The following ATP9B variants were observed in gnomAD, a reference collection of about 807,000 sequenced individuals.
ATP9B encodes the protein ATPase phospholipid transporting 9B, also known as probable phospholipid-transporting ATPase IIB.
Under a neutral mutation model 146.1 loss-of-function variants are expected in ATP9B, and 110 were observed. That is an observed-to-expected ratio of 0.75 (90% CI 0.65 to 0.88). The LOEUF is 0.88. Ranked by LOEUF, ATP9B falls within the 40% of genes least tolerant of loss-of-function variation. The probability of loss-of-function intolerance (pLI) is 0.00; values close to 1 mark genes in which losing one functional copy is unlikely to be tolerated. For synonymous variants in ATP9B, 604 were observed against 569.7 expected, an observed-to-expected ratio of 1.06 and a Z score of -0.86; for missense variants, 1,499 against 1,496.4, an observed-to-expected ratio of 1.00 and a Z score of -0.03.
At chr18:79,332,081 G>A (rs117678629) in intron 17 of ATP9B, among the ~76,000 whole-genome samples, 130 of 152,354 alleles carry the variant, frequency 8.5e-4, no homozygotes, top group Non-Finnish European at 1.6e-3. Context: ...TATGTTACAT[G>A]AATTATATTC....
At chr18:79,164,566 A>T (rs890679603) in intron 7 of ATP9B, among the ~76,000 whole-genome samples, 13 of 152,072 alleles carry the variant, frequency 8.5e-5, no homozygotes, top group Non-Finnish European at 1.5e-4. Flanking sequence ...ATACAAAAAA[A>T]AAATTAGCCA....
intron 5 of ATP9B, among the ~76,000 whole-genome samples, chr18:79,127,646 G>A (rs949521254): frequency 7.9e-5 from 12 of 152,170 alleles, no homozygotes; most frequent in East Asian, 5.8e-4. Context: ...CTTTGTGACC[G>A]TTGTGAATAA....
rs1282963356 is a variant in ATP9B, at chr18:79,239,778, G to A, written c.1108-13603G>A. 6.6e-6 allele frequency among the ~76,000 whole-genome samples: 1 copy of A among 152,094 alleles called. No homozygotes were observed. The highest frequency in any genetic ancestry group is 1.5e-5 in the Non-Finnish European group (1 of 68,018). ...TGTTTTCTCACCTTGCTGTTTTCTC[G>A]AGAGCATTGTTTTGTGAGGGCGGTT... On this transcript the variant is annotated intron_variant, in intron 11 of 29. Coordinates refer to ENST00000426216, the MANE Select transcript of ATP9B (RefSeq NM_198531.5). This position sits in a 1 kb window ranked among gnomAD's most constrained non-coding sequence, Gnocchi z 5.1.
chr18:79,338,355 C>T (rs1267773535), intron 19 of ATP9B, among the ~76,000 whole-genome samples: 4 of 152,134 alleles, frequency 2.6e-5, no homozygotes, highest in South Asian at 4.1e-4. Context: ...GCACCTTCTC[C>T]GTAGCTGGAG....
intron 13 of ATP9B, among the ~76,000 whole-genome samples, chr18:79,291,174 T>G (rs1206175878): frequency 1.3e-5 from 2 of 152,222 alleles, no homozygotes; most frequent in Admixed American, 1.3e-4. Context: ...TGCAGCTTTT[T>G]TTTTTTAAGA....
At chr18:79,256,892 AAGGATAAGGGCTTTT>A (rs1399286378) in intron 12 of ATP9B, among the ~76,000 whole-genome samples, 1 of 152,180 alleles carries the variant, frequency 6.6e-6, no homozygotes, top group Non-Finnish European at 1.5e-5. Context: ...TTTTTTCAAA[AAGGATAAGGGCTTTT>A]AGCAGGGTAA....
chr18:79,324,722 A>G (rs1360823186), intron 15 of ATP9B, among the ~76,000 whole-genome samples: 1 of 152,212 alleles, frequency 6.6e-6, no homozygotes, highest in Non-Finnish European at 1.5e-5. Context: ...TATGGAAACG[A>G]GTTGTCTCAC....
At chr18:79,228,204 TA>T (rs1210227816) in intron 11 of ATP9B, among the ~76,000 whole-genome samples, 4 of 152,266 alleles carry the variant, frequency 2.6e-5, no homozygotes, top group Non-Finnish European at 5.9e-5. Flanking sequence ...AATTCTCCAC[TA>T]GTGATAAATT....
At chr18:79,324,274 T>C (rs992364910) in intron 15 of ATP9B, among the ~76,000 whole-genome samples, 1 of 152,166 alleles carries the variant, frequency 6.6e-6, no homozygotes, top group Non-Finnish European at 1.5e-5. Context: ...ACTTTGTTGA[T>C]TGTTTTCTTT....
chr18:79,089,735 G>A (rs991916323), intron 1 of ATP9B, among the ~76,000 whole-genome samples: 6 of 152,218 alleles, frequency 3.9e-5, no homozygotes, highest in Admixed American at 2.6e-4. Flanking sequence ...TGGGATATCC[G>A]TCACCTCCAG....
At chr18:79,223,180 A>T (rs2148504626) in intron 11 of ATP9B, among the ~76,000 whole-genome samples, 1 of 152,348 alleles carries the variant, frequency 6.6e-6, no homozygotes, top group East Asian at 1.9e-4. Context: ...AGAAATTTTG[A>T]GATCATGGAA....
chr18:79,276,144 A>G lies in ATP9B; in HGVS notation c.1269-910A>G, dbSNP rs533165995. On this transcript the variant is annotated intron_variant, in intron 12 of 29. Transcript: ENST00000426216. Reference sequence around the variant, plus strand: ...CATGTGAACATTTTTGAGTTGCTGTATAGGAAGAACTGCGCTGCCAGCAGC... The same window carrying G: ...CATGTGAACATTTTTGAGTTGCTGTGTAGGAAGAACTGCGCTGCCAGCAGC... 2.0e-5 allele frequency among the ~76,000 whole-genome samples: 3 copies of G among 152,320 alleles called. No individual in the cohort carries two copies. The East Asian group carries it at 5.8e-4, about 29-fold the overall frequency.
intron 7 of ATP9B, among the ~76,000 whole-genome samples, chr18:79,171,528 G>A (rs1358248579): frequency 6.6e-6 from 1 of 152,106 alleles, no homozygotes; most frequent in Admixed American, 6.6e-5. Flanking sequence ...AAGTTGCAAA[G>A]GTAGTACAGG....
In ATP9B at chr18:79,347,852, G is replaced by A. The variant is rs779963486; in HGVS notation, c.2765G>A (p.Arg922Gln). 6.8e-6 allele frequency: 11 copies of A among 1,613,630 alleles called. 1 individual carries two copies. Among genetic ancestry groups the A allele is most frequent in the South Asian group, 5.5e-5 (5 of 91,080 alleles). ...GGCAGGCTGCTCATGGTGCACGGGC[G>A]GAACAGCTACAAGAGGTCGGCGGCA... ...HIGRLLMVHGRNSYKRSAALG... is the reference protein window; with the variant it reads ...HIGRLLMVHGQNSYKRSAALG... The change falls in exon 24 of 30, where the codon CGG becomes CAG. Residue 922 changes from arginine to glutamine, a missense_variant. Physicochemically the swap from Arg to Gln is conservative, Grantham distance 43. Transcript: ENST00000426216.
chr18:79,071,889 G>GT (rs71161758), intron 1 of ATP9B, among the ~76,000 whole-genome samples: 211 of 91,426 alleles, frequency 2.3e-3, no homozygotes, highest in African/African-American at 7.3e-3. Context: ...GTTTGGTTTT[G>GT]TTTTTTTTTT....
At chr18:79,331,733 A>T (rs1184533911) in intron 17 of ATP9B, among the ~76,000 whole-genome samples, 3 of 152,224 alleles carry the variant, frequency 2.0e-5, no homozygotes, top group Non-Finnish European at 4.4e-5. Context: ...AAACTTTTCA[A>T]TGATCACATA....
intron 12 of ATP9B, among the ~76,000 whole-genome samples, chr18:79,269,155 C>T (rs917827774): frequency 2.6e-5 from 4 of 152,234 alleles, no homozygotes; most frequent in East Asian, 3.8e-4. Flanking sequence ...CCACCTGTCG[C>T]GTCCTGCTCT....
chr18:79,218,275 T>C (rs2095646784), intron 11 of ATP9B, among the ~76,000 whole-genome samples: 1 of 151,680 alleles, frequency 6.6e-6, no homozygotes. Context: ...ATTTTCCTCG[T>C]GTTCCGTGTC....
At chr18:79,215,646 T>C (rs2095620944) in intron 11 of ATP9B, among the ~76,000 whole-genome samples, 2 of 152,212 alleles carry the variant, frequency 1.3e-5, no homozygotes, top group South Asian at 4.1e-4. Context: ...TTTATATGTG[T>C]TTTCTGATAA....
Sources: allele counts gnomAD v4.1 joint callset (sites outside exome capture counted in the v4.1 genomes callset), GRCh38; gene constraint gnomAD v4.1.1; non-coding constraint Gnocchi (gnomAD v3.1); transcripts MANE v1.5; gene names NCBI Gene and HGNC (gene_info 2026-07-23, HGNC 2026-07-21).